The following PLCB1 variants were observed in gnomAD, a reference collection of about 807,000 sequenced individuals.
The protein encoded by PLCB1 is 1-phosphatidylinositol 4,5-bisphosphate phosphodiesterase beta-1.
A neutral mutation model predicts 161.8 loss-of-function variants in PLCB1; 46 were observed. The observed-to-expected ratio is 0.28, with a 90% confidence interval of 0.22 to 0.36. The LOEUF is 0.36. PLCB1 is among the 10% of genes least tolerant of loss of function. PLCB1 has a pLI of 1.00. For missense variants in PLCB1, 1,016 were observed against 1,472.5 expected (o/e 0.69, Z 5.07); for synonymous variants, 517 against 503.7 (o/e 1.03, Z -0.35).
intron 2 of PLCB1, among the ~76,000 whole-genome samples, chr20:8,278,257 T>A (rs982028418): frequency 7.6e-6 from 1 of 131,790 alleles, no homozygotes; most frequent in Non-Finnish European, 1.6e-5. Flanking sequence ...GAAACAATCA[T>A]ATATATAAAT....
rs6140671 is a variant in PLCB1, at chr20:8,657,586, A to G, written c.695+302A>G. ...CAGGGAGTCATCTTGGCTTAGCAGAAATAGACTCATGTCGCAGGAAGAACT... is the reference window on the plus strand; with the variant it reads ...CAGGGAGTCATCTTGGCTTAGCAGAGATAGACTCATGTCGCAGGAAGAACT... On this transcript the variant is annotated intron_variant, in intron 8 of 31. Coordinates refer to ENST00000338037, the MANE Select transcript of PLCB1 (RefSeq NM_015192.4). 0.11 allele frequency among the ~76,000 whole-genome samples: 16,906 copies of G among 152,042 alleles called. 1,207 individuals carry two copies. The highest frequency in any genetic ancestry group is 0.21 in the African/African-American group (8,564 of 41,466).
At chr20:8,455,787 A>G (rs1450521271) in intron 3 of PLCB1, among the ~76,000 whole-genome samples, 1 of 152,076 alleles carries the variant, frequency 6.6e-6, no homozygotes, top group Non-Finnish European at 1.5e-5. Context: ...GCCATGACCA[A>G]CTTTATCCTT....
At chr20:8,550,362 G>A (rs1290342102) in intron 3 of PLCB1, among the ~76,000 whole-genome samples, 1 of 152,106 alleles carries the variant, frequency 6.6e-6, no homozygotes, top group Non-Finnish European at 1.5e-5. Flanking sequence ...ACAGGACCAG[G>A]TGGATATAAT....
intron 3 of PLCB1, among the ~76,000 whole-genome samples, chr20:8,614,584 C>CTGTGTG (rs71331317): frequency 0.042 from 6,240 of 147,140 alleles, 130 homozygotes; most frequent in African/African-American, 0.051. Context: ...ATGTAAAATT[C>CTGTGTG]TGTGTGTGTG....
chr20:8,881,877 C>T lies in PLCB1; in HGVS notation c.*28C>T. 7.1e-7 allele frequency: 1 copy of T among 1,411,842 alleles called. No individual in the cohort carries two copies. The highest frequency in any genetic ancestry group is 1.0e-6 in the Non-Finnish European group (1 of 996,092). The allele number at this position is 1,411,842 out of a possible 1,614,324, so 87.5% of individuals were successfully genotyped here. A position where few individuals can be genotyped will look rare whatever the true frequency, so the allele number is the denominator to read the frequency against. ...GCTCCTGCCAGGCCTTCAGAAATTG[C>T]ATGGCCACTCCAGCGTCATCGGACT... On this transcript the variant is annotated 3_prime_UTR_variant, in exon 32 of 32. Transcript: ENST00000338037.
intron 2 of PLCB1, among the ~76,000 whole-genome samples, chr20:8,273,717 T>G (rs879528624): frequency 1.3e-5 from 2 of 152,202 alleles, no homozygotes; most frequent in Non-Finnish European, 2.9e-5. Context: ...TTTCAAGAAG[T>G]TGATTTCCTG....
chr20:8,644,779 G>T (rs973920057), intron 4 of PLCB1, among the ~76,000 whole-genome samples: 1 of 152,032 alleles, frequency 6.6e-6, no homozygotes, highest in African/African-American at 2.4e-5. Flanking sequence ...CGCCCCTACT[G>T]GGAAGTGAGG....
chr20:8,721,964 C>T (rs1056428983), intron 14 of PLCB1, among the ~76,000 whole-genome samples: 3 of 151,830 alleles, frequency 2.0e-5, no homozygotes, highest in Admixed American at 1.3e-4. Context: ...TATCTGTTTT[C>T]GGGGTCATAG....
At chr20:8,461,370 T>TA (rs1981570052) in intron 3 of PLCB1, among the ~76,000 whole-genome samples, 2 of 152,190 alleles carry the variant, frequency 1.3e-5, no homozygotes, top group Non-Finnish European at 2.9e-5. Context: ...TGGCTCAGCC[T>TA]CTACCACTTA....
At chr20:8,217,867 C>T (rs1979215209) in intron 2 of PLCB1, among the ~76,000 whole-genome samples, 1 of 152,056 alleles carries the variant, frequency 6.6e-6, no homozygotes, top group South Asian at 2.1e-4. Context: ...CTTGTTCTTG[C>T]TCCCAGTTTC....
At chr20:8,210,434 T>C (rs984422892) in intron 2 of PLCB1, among the ~76,000 whole-genome samples, 1 of 152,134 alleles carries the variant, frequency 6.6e-6, no homozygotes, top group Non-Finnish European at 1.5e-5. Flanking sequence ...TAAGTAGGCT[T>C]ACCTTTAAAT....
chr20:8,619,435 G>A (rs957862033), intron 3 of PLCB1, among the ~76,000 whole-genome samples: 3 of 150,254 alleles, frequency 2.0e-5, no homozygotes, highest in African/African-American at 7.4e-5. Context: ...AAAAAAAAAA[G>A]AAAAAAAGAA....
At position 8,646,005 on chromosome 20, in the gene PLCB1, A is replaced by G. The variant is rs1476666038; in HGVS notation, c.385-97A>G. 2.0e-5 allele frequency: 16 copies of G among 799,976 alleles called. No homozygotes were observed. The East Asian group carries it at 3.1e-4, about 15-fold the overall frequency. 49.6% of individuals were successfully genotyped at this position (799,976 alleles called of 1,614,324 possible). A position where few individuals can be genotyped will look rare whatever the true frequency, so the allele number is the denominator to read the frequency against. ...AAAACAAAAAACCTTTGGCATGCACATTGAACTAATGTGTCTTCCTGGAAG... is the reference window on the plus strand; with the variant it reads ...AAAACAAAAAACCTTTGGCATGCACGTTGAACTAATGTGTCTTCCTGGAAG... On this transcript the variant is annotated intron_variant, in intron 4 of 31. Transcript: ENST00000338037.
intron 12 of PLCB1, among the ~76,000 whole-genome samples, chr20:8,709,175 T>C (rs548448929): frequency 2.6e-5 from 4 of 152,172 alleles, no homozygotes; most frequent in Non-Finnish European, 5.9e-5. Flanking sequence ...ATTTTACCAA[T>C]TTGCACTTAC....
chr20:8,232,244 A>G (rs1980090986), intron 2 of PLCB1, among the ~76,000 whole-genome samples: 1 of 152,032 alleles, frequency 6.6e-6, no homozygotes, highest in Non-Finnish European at 1.5e-5. Context: ...AGAGAGAGAG[A>G]GAGAGAAAAG....
chr20:8,249,110 A>G (rs1028391566), intron 2 of PLCB1, among the ~76,000 whole-genome samples: 2 of 152,000 alleles, frequency 1.3e-5, no homozygotes, highest in African/African-American at 4.8e-5. Flanking sequence ...CTGAAAATCA[A>G]AATGAAATAT....
At chr20:8,628,804 G>C (rs139969113) in intron 4 of PLCB1, among the ~76,000 whole-genome samples, 21,954 of 151,734 alleles carry the variant, frequency 0.14, 1,566 homozygotes, top group Middle Eastern at 0.21. Context: ...TGTGGTGGCG[G>C]GCACCTCTAA....
At chr20:8,366,534 G>A (rs1986716578) in intron 2 of PLCB1, among the ~76,000 whole-genome samples, 1 of 152,094 alleles carries the variant, frequency 6.6e-6, no homozygotes, top group Non-Finnish European at 1.5e-5. Flanking sequence ...GTCTTTTGTC[G>A]AGGGATTCAC....
chr20:8,238,114 A>G (rs555869228), intron 2 of PLCB1, among the ~76,000 whole-genome samples: 15 of 152,202 alleles, frequency 9.9e-5, no homozygotes, highest in African/African-American at 2.9e-4. Context: ...AGAGAGGTGA[A>G]TAAATTGAAC....
Sources: allele counts gnomAD v4.1 joint callset (sites outside exome capture counted in the v4.1 genomes callset), GRCh38; gene constraint gnomAD v4.1.1; transcripts MANE v1.5; gene names NCBI Gene and HGNC (gene_info 2026-07-23, HGNC 2026-07-21).